The following TENM4 variants were observed in gnomAD, a reference collection of about 807,000 sequenced individuals.
TENM4 encodes the protein teneurin-4.
Under a neutral mutation model 243.3 loss-of-function variants are expected in TENM4, and 82 were observed. The observed-to-expected ratio is 0.34, with a 90% CI of 0.28 to 0.40. TENM4 has a LOEUF of 0.40. TENM4 is among the 10% of genes least tolerant of loss of function. The pLI, the probability that TENM4 is intolerant of heterozygous loss-of-function variation, is 1.00. For missense variants in TENM4, 3,138 were observed against 3,673.3 expected (o/e 0.85, Z 3.77); for synonymous variants, 1,412 against 1,456.3 (o/e 0.97, Z 0.69).
At chr11:78,771,734 T>C (rs1346420235) in intron 17 of TENM4, among the ~76,000 whole-genome samples, 3 of 152,206 alleles carry the variant, frequency 2.0e-5, no homozygotes, top group Non-Finnish European at 4.4e-5. Flanking sequence ...CTTGGGGCTT[T>C]TTCTTAACAT....
At chr11:78,922,762 G>A (rs551263492) in intron 6 of TENM4, among the ~76,000 whole-genome samples, 6 of 152,304 alleles carry the variant, frequency 3.9e-5, no homozygotes, top group Admixed American at 3.9e-4. Context: ...AAACAAAAAT[G>A]TTCCTCAAGT....
intron 9 of TENM4, among the ~76,000 whole-genome samples, chr11:78,884,431 C>G (rs923892354): frequency 6.8e-6 from 1 of 146,930 alleles, no homozygotes; most frequent in Non-Finnish European, 1.5e-5. Flanking sequence ...GAGGTGAGAT[C>G]TTTTGATTCT....
Position 78,732,761 on chromosome 11 carries a change from G to GT in TENM4, c.2877-185dup, listed in dbSNP as rs552726856. Among the ~76,000 whole-genome samples the GT allele has an allele frequency of 7.8e-3, 1,180 of 151,804 alleles. 14 individuals carry two copies. Among genetic ancestry groups the GT allele is most frequent in the African/African-American group, 0.026 (1,096 of 41,374 alleles). On this transcript the variant is annotated intron_variant, in intron 20 of 33. Coordinates refer to ENST00000278550, the MANE Select transcript of TENM4 (RefSeq NM_001098816.3). ...ACAATGGCAGTGATTTTAGAAAGCA[G>GT]TTTTTTTTTACCCCATAAAATGATT...
chr11:79,245,279 A>T (rs1407515101), intron 2 of TENM4, among the ~76,000 whole-genome samples: 1 of 152,212 alleles, frequency 6.6e-6, no homozygotes, highest in Non-Finnish European at 1.5e-5. Flanking sequence ...TTCTTCTCAT[A>T]CTGAAGGAAG....
intron 19 of TENM4, among the ~76,000 whole-genome samples, chr11:78,743,877 G>A (rs80317346): frequency 6.6e-6 from 1 of 152,292 alleles, no homozygotes; most frequent in East Asian, 1.9e-4. Flanking sequence ...TGGTATTCAG[G>A]AGACGGGAAT....
At chr11:78,886,098 A>T (rs1187534157) in intron 9 of TENM4, among the ~76,000 whole-genome samples, 1 of 152,192 alleles carries the variant, frequency 6.6e-6, no homozygotes, top group Non-Finnish European at 1.5e-5. Context: ...ACCTGATAGG[A>T]TGTAGAAAAT....
At chr11:78,910,697 G>A (rs1203820903) in intron 6 of TENM4, among the ~76,000 whole-genome samples, 1 of 152,208 alleles carries the variant, frequency 6.6e-6, no homozygotes, top group Non-Finnish European at 1.5e-5. Context: ...AACCTAGAAT[G>A]GATCAAAACA....
chr11:78,698,266 G>A (rs771663426), intron 28 of TENM4, among the ~76,000 whole-genome samples: 3 of 152,076 alleles, frequency 2.0e-5, no homozygotes, highest in South Asian at 4.1e-4. Context: ...GCCGGGCGTC[G>A]TGGCAGATGC....
intron 15 of TENM4, among the ~76,000 whole-genome samples, chr11:78,801,316 A>G (rs1392275389): frequency 6.6e-6 from 1 of 152,132 alleles, no homozygotes; most frequent in East Asian, 1.9e-4. Flanking sequence ...CATCCTCACA[A>G]GTGACTCAGG....
chr11:78,896,548 G>T (rs1855801880), intron 7 of TENM4, among the ~76,000 whole-genome samples: 3 of 151,974 alleles, frequency 2.0e-5, no homozygotes, highest in Admixed American at 2.0e-4. Context: ...ATCCTCCATT[G>T]CTGATCTCCA....
chr11:79,139,903 G>C (rs1372001679), intron 4 of TENM4, among the ~76,000 whole-genome samples: 1 of 147,298 alleles, frequency 6.8e-6, no homozygotes, highest in Non-Finnish European at 1.5e-5. Flanking sequence ...TAATACAGAT[G>C]GCATAAGTGA....
At chr11:79,437,533 G>C (rs530068238) in intron 1 of TENM4, among the ~76,000 whole-genome samples, 6 of 152,184 alleles carry the variant, frequency 3.9e-5, no homozygotes, top group African/African-American at 1.4e-4. Flanking sequence ...CGGCCGCCCC[G>C]CTGGTTCGCA....
At chr11:79,345,912 T>C (rs1172021124) in intron 1 of TENM4, among the ~76,000 whole-genome samples, 1 of 152,204 alleles carries the variant, frequency 6.6e-6, no homozygotes, top group Non-Finnish European at 1.5e-5. Context: ...CTACTCAAAG[T>C]GTGGTTCACA....
chr11:78,754,871 A>T (rs537828091), intron 19 of TENM4, among the ~76,000 whole-genome samples: 1 of 152,354 alleles, frequency 6.6e-6, no homozygotes, highest in Non-Finnish European at 1.5e-5. Flanking sequence ...ACCTCTAGAA[A>T]GGTGGAGGTT....
At chr11:78,807,309 C>T (rs1857409577) in intron 14 of TENM4, among the ~76,000 whole-genome samples, 1 of 152,108 alleles carries the variant, frequency 6.6e-6, no homozygotes, top group Non-Finnish European at 1.5e-5. Context: ...TTTTACATTC[C>T]CACCAGTAGT....
intron 1 of TENM4, among the ~76,000 whole-genome samples, chr11:79,327,965 C>T (rs1034929469): frequency 6.6e-6 from 1 of 152,176 alleles, no homozygotes; most frequent in African/African-American, 2.4e-5. Flanking sequence ...GCCCCACAAC[C>T]TGATCAAGTC....
At chr11:78,894,112 T>C (rs897301424) in intron 7 of TENM4, among the ~76,000 whole-genome samples, 6 of 152,282 alleles carry the variant, frequency 3.9e-5, no homozygotes, top group African/African-American at 1.4e-4. Context: ...AGCAGGCACA[T>C]AGTCAGTGCT....
At chr11:78,999,322 G>A (rs1174279294) in intron 6 of TENM4, among the ~76,000 whole-genome samples, 1 of 152,098 alleles carries the variant, frequency 6.6e-6, no homozygotes, top group African/African-American at 2.4e-5. Context: ...GACCATCCTG[G>A]CTAACATGGT....
chr11:79,322,299 G>T (rs1856903901), intron 1 of TENM4, among the ~76,000 whole-genome samples: 1 of 152,172 alleles, frequency 6.6e-6, no homozygotes, highest in Non-Finnish European at 1.5e-5. Flanking sequence ...CACAAGGCTA[G>T]AGGCTTAAAA....
Sources: allele counts gnomAD v4.1 joint callset (sites outside exome capture counted in the v4.1 genomes callset), GRCh38; gene constraint gnomAD v4.1.1; transcripts MANE v1.5; gene names NCBI Gene and HGNC (gene_info 2026-07-23, HGNC 2026-07-21).